Variants in TFAP2E observed in about 807,000 individuals in gnomAD.
TFAP2E encodes transcription factor AP-2-epsilon.
A neutral mutation model predicts 37.9 loss-of-function variants in TFAP2E; 30 were observed. The observed-to-expected ratio is 0.79, with a 90% confidence interval of 0.59 to 1.07. The LOEUF (loss-of-function observed/expected upper bound fraction) is 1.07, where lower values mean the gene tolerates loss of function less well. TFAP2E is among the 50% of genes least tolerant of loss of function. The pLI, the probability that TFAP2E is intolerant of heterozygous loss-of-function variation, is 0.00. For missense variants in TFAP2E, 567 were observed against 637.9 expected, an observed-to-expected ratio of 0.89 and a Z score of 1.20; for synonymous variants, 318 against 295.8, an observed-to-expected ratio of 1.08 and a Z score of -0.77.
chr1:35,576,821 A>G (rs914872443), intron 3 of TFAP2E, among the ~76,000 whole-genome samples: 1 of 152,200 alleles, frequency 6.6e-6, no homozygotes, highest in Non-Finnish European at 1.5e-5. Flanking sequence ...GAGTCCTAAC[A>G]TCCCAGGTGG....
rs1451900430 is a variant in TFAP2E at position 35,588,909 on chromosome 1, C to T, written c.785+357C>T. Among the ~76,000 whole-genome samples, 3 of 152,136 alleles carry T rather than the reference C, an allele frequency of 2.0e-5. No individual in the cohort carries two copies. The highest frequency in any genetic ancestry group is 7.2e-5 in the African/African-American group (3 of 41,422). ...ACCCCAGGACCCGAGGCCCATTCTG[C>T]GCGGCAGCATAGGCCCTGTGTGTTT... On this transcript the variant is annotated intron_variant, in intron 4 of 6. Transcript: ENST00000373235. This position sits in a 1 kb window ranked among gnomAD's most constrained non-coding sequence, Gnocchi z 5.1.
chr1:35,574,377 C>A lies in TFAP2E; in HGVS notation c.478C>A (p.Leu160Met). The change falls in exon 2 of 7, where the codon CTG becomes ATG. Residue 160 changes from leucine (L) to methionine (M), a missense_variant. Around this residue, in one of 3 missense-constraint regions of TFAP2E, gnomAD observed 312 missense variants for 317.4 expected, o/e 0.98. Transcript: ENST00000373235. ...AGACGCACCTCTCGGCCTTCCGGGG[C>A]TGGCGGCGGCCCCCGGTCTGGAGGA... ...LADAPLGLPG[L>M]AAAPGLEDLQ... 6.9e-7 allele frequency: 1 copy of A among 1,440,200 alleles called. No individual in the cohort carries two copies. Among genetic ancestry groups the A allele is most frequent in the African/African-American group, 1.5e-5 (1 of 67,188 alleles). The allele number at this position is 1,440,200 out of a possible 1,614,324, so 89.2% of individuals were successfully genotyped here.
At chr1:35,580,865 C>A (rs1054818800) in intron 3 of TFAP2E, among the ~76,000 whole-genome samples, 1 of 151,928 alleles carries the variant, frequency 6.6e-6, no homozygotes, top group South Asian at 2.1e-4. Flanking sequence ...CATTTTTTAA[C>A]GATTTTTTGA....
intron 3 of TFAP2E, among the ~76,000 whole-genome samples, chr1:35,576,330 G>A (rs1571096534): frequency 6.6e-6 from 1 of 152,164 alleles, no homozygotes; most frequent in East Asian, 1.9e-4. Context: ...GCTGTGTCCT[G>A]TGTCGCTTGG....
Position 35,573,811 on chromosome 1 carries a change from G to A in TFAP2E, c.28-116G>A. 1 of 1,377,724 alleles carries A rather than the reference G, an allele frequency of 7.3e-7. No individual in the cohort carries two copies. The allele number at this position is 1,377,724 out of a possible 1,614,324, so 85.3% of individuals were successfully genotyped here. ...CGGGTGGCTCGGAAATAAACCTCGG[G>A]CCCCAAGAAACGGGAGGGACTGCAG... On this transcript the variant is annotated intron_variant, in intron 1 of 6. Coordinates refer to ENST00000373235, the MANE Select transcript of TFAP2E (RefSeq NM_178548.4). This position sits in a 1 kb window ranked among gnomAD's most constrained non-coding sequence, Gnocchi z 5.9.
rs74828111 is a variant in TFAP2E, at chr1:35,588,650, T to C, written c.785+98T>C. ...GAGGAGGCCAGTCTCACCTAGGCCC[T>C]CTGCCTCAGTCTCCCTGGGAGGGGA... On this transcript the variant is annotated intron_variant, in intron 4 of 6. Transcript: ENST00000373235. The surrounding 1 kb of genome is among the most constrained non-coding windows in gnomAD (Gnocchi z 5.1). The C allele has an allele frequency of 0.014, 17,887 of 1,240,292 alleles. 1,063 individuals carry two copies. In the African/African-American group the frequency reaches 0.16, roughly 11 times the overall value. 76.8% of individuals were successfully genotyped at this position (1,240,292 alleles called of 1,614,324 possible). A position where few individuals can be genotyped will look rare whatever the true frequency, so the allele number is the denominator to read the frequency against.
At chr1:35,581,592 G>C (rs1649350453) in intron 3 of TFAP2E, among the ~76,000 whole-genome samples, 1 of 146,992 alleles carries the variant, frequency 6.8e-6, no homozygotes, top group Non-Finnish European at 1.5e-5. Flanking sequence ...TTTTTTTTGA[G>C]ATGGAGTTTC....
intron 2 of TFAP2E, 78 bp from the exon 3 acceptor site, chr1:35,574,871 C>T: frequency 6.2e-7 from 1 of 1,601,248 alleles, no homozygotes; most frequent in East Asian, 2.2e-5. Flanking sequence ...AGACAGAGAC[C>T]CTGGGTGGCA....
At chr1:35,587,449 C>G (rs1219506759) in intron 3 of TFAP2E, among the ~76,000 whole-genome samples, 1 of 151,784 alleles carries the variant, frequency 6.6e-6, no homozygotes, top group African/African-American at 2.4e-5. Context: ...ACCAGCCTGG[C>G]CAATATGGTG....
chr1:35,579,106 AAAAG>A (rs1649269411), intron 3 of TFAP2E, among the ~76,000 whole-genome samples: 2 of 143,278 alleles, frequency 1.4e-5, no homozygotes, highest in Admixed American at 7.0e-5. Flanking sequence ...AAAAAAAAAA[AAAAG>A]AGGCCGGGCG....
At chr1:35,593,166 G>A (rs770751815) in intron 6 of TFAP2E, among the ~76,000 whole-genome samples, 3 of 151,966 alleles carry the variant, frequency 2.0e-5, no homozygotes, top group African/African-American at 4.8e-5. Context: ...GCAACTTGGC[G>A]AAACCCCATC....
chr1:35,577,302 G>A lies in TFAP2E; in HGVS notation c.562+2302G>A, dbSNP rs1244818026. On this transcript the variant is annotated intron_variant, in intron 3 of 6. Coordinates refer to ENST00000373235, the MANE Select transcript of TFAP2E (RefSeq NM_178548.4). This position sits in a 1 kb window ranked among gnomAD's most constrained non-coding sequence, Gnocchi z 6.3. ...CCGCCCCTCCCCACACCTGCCCTCG[G>A]CGCCCCCAGCAGTTTTCACCTTGGC... The A allele has an allele frequency of 6.7e-6, 3 of 447,560 alleles. No homozygotes were observed. Among genetic ancestry groups the A allele is most frequent in the South Asian group, 4.7e-5 (3 of 63,738 alleles). 27.7% of individuals were successfully genotyped at this position (447,560 alleles called of 1,614,324 possible). A position where few individuals can be genotyped will look rare whatever the true frequency, so the allele number is the denominator to read the frequency against.
At chr1:35,576,240 G>T (rs1571096491) in intron 3 of TFAP2E, among the ~76,000 whole-genome samples, 1 of 152,208 alleles carries the variant, frequency 6.6e-6, no homozygotes, top group Non-Finnish European at 1.5e-5. Flanking sequence ...GGAGCTGGGG[G>T]TTGGGTGGAT....
Position 35,577,242 on chromosome 1 carries a change from G to A in TFAP2E, c.562+2242G>A. On this transcript the variant is annotated intron_variant, in intron 3 of 6. Transcript: ENST00000373235. The surrounding 1 kb of genome is among the most constrained non-coding windows in gnomAD (Gnocchi z 6.3). The stretch of plus-strand genomic sequence containing the variant: ...TGGGCGGTCGACCCAGGGCAGCTGC[G>A]GCGGCGAGGCAGGTGGGCTCCTTGC... 3 of 393,892 alleles carry A rather than the reference G, an allele frequency of 7.6e-6. No individual in the cohort carries two copies. The highest frequency in any genetic ancestry group is 2.8e-5 in the Admixed American group (1 of 35,238). 24.4% of individuals were successfully genotyped at this position (393,892 alleles called of 1,614,324 possible). A position where few individuals can be genotyped will look rare whatever the true frequency, so the allele number is the denominator to read the frequency against.
In TFAP2E at chr1:35,588,452, A is replaced by C. The variant is rs1215757452; in HGVS notation, c.685A>C (p.Ser229Arg). The stretch of plus-strand genomic sequence containing the variant: ...CGTGCCCGGCCGGCTTTCACTGCTC[A>C]GCTCAACGTCCAAGTACAAGGTGAC... ...CSVPGRLSLL[S>R]STSKYKVTVG... Residue 229 changes from serine (S) to arginine (R), a missense_variant, in exon 4 of 7, where the codon AGC (serine) becomes CGC (arginine). By Grantham distance (110) the Ser-to-Arg change is moderately radical (BLOSUM62 -1). Around this residue, in one of 3 missense-constraint regions of TFAP2E, gnomAD observed 252 missense variants for 302.6 expected, o/e 0.83. Transcript: ENST00000373235. The surrounding 1 kb of genome is among the most constrained non-coding windows in gnomAD (Gnocchi z 5.1). 1 of 1,611,108 alleles carries C rather than the reference A, an allele frequency of 6.2e-7. No individual in the cohort carries two copies. Among genetic ancestry groups the C allele is most frequent in the Admixed American group, 1.7e-5 (1 of 60,030 alleles).
At chr1:35,589,492 ACG>A (rs1491516385) in intron 4 of TFAP2E, among the ~76,000 whole-genome samples, 3 of 103,862 alleles carry the variant, frequency 2.9e-5, no homozygotes, top group African/African-American at 1.1e-4. Flanking sequence ...CTATTCTTTC[ACG>A]TGTGTGTGTG....
chr1:35,588,651 C>A lies in TFAP2E; in HGVS notation c.785+99C>A. Reference sequence around the variant, plus strand: ...AGGAGGCCAGTCTCACCTAGGCCCTCTGCCTCAGTCTCCCTGGGAGGGGAG... The same window carrying A: ...AGGAGGCCAGTCTCACCTAGGCCCTATGCCTCAGTCTCCCTGGGAGGGGAG... On this transcript the variant is annotated intron_variant, in intron 4 of 6. Transcript: ENST00000373235. The surrounding 1 kb of genome is among the most constrained non-coding windows in gnomAD (Gnocchi z 5.1). 1 of 1,244,854 alleles carries A rather than the reference C, an allele frequency of 8.0e-7. No homozygotes were observed. Among genetic ancestry groups the A allele is most frequent in the Non-Finnish European group, 1.1e-6 (1 of 924,772 alleles). 77.1% of individuals were successfully genotyped at this position (1,244,854 alleles called of 1,614,324 possible). A position where few individuals can be genotyped will look rare whatever the true frequency, so the allele number is the denominator to read the frequency against.
chr1:35,592,440 C>T (rs892361463), intron 6 of TFAP2E, among the ~76,000 whole-genome samples: 1 of 152,104 alleles, frequency 6.6e-6, no homozygotes. Flanking sequence ...TTCTGTTGCC[C>T]AGGCCGGAGT....
In TFAP2E at chr1:35,573,342, C is replaced by A. The variant is rs1649064399; in HGVS notation, c.-236C>A. ...GGAGGAAGGGCGGGCGCTGGGCACCCGTTGACCGACTTTTCCAAGTGCGAT... is the reference window on the plus strand; with the variant it reads ...GGAGGAAGGGCGGGCGCTGGGCACCAGTTGACCGACTTTTCCAAGTGCGAT... On this transcript the variant is annotated 5_prime_UTR_variant, in exon 1 of 7. Coordinates refer to ENST00000373235, the MANE Select transcript of TFAP2E (RefSeq NM_178548.4). This position sits in a 1 kb window ranked among gnomAD's most constrained non-coding sequence, Gnocchi z 5.9. The A allele has an allele frequency of 8.7e-6, 4 of 460,262 alleles. No individual in the cohort carries two copies. The South Asian group carries it at 1.9e-4, about 22-fold the overall frequency. 28.5% of individuals were successfully genotyped at this position (460,262 alleles called of 1,614,324 possible). A position where few individuals can be genotyped will look rare whatever the true frequency, so the allele number is the denominator to read the frequency against.
Sources: gnomAD v4.1 joint callset for allele counts (sites outside exome capture counted in the v4.1 genomes callset) on GRCh38, gnomAD v4.1.1 for gene constraint, gnomAD v4.1.1 regional missense constraint, Gnocchi (gnomAD v3.1) non-coding constraint, MANE v1.5 for transcripts, NCBI Gene and HGNC (gene_info 2026-07-23, HGNC 2026-07-21) for gene names.